SMPDL3B: variants seen among roughly 807,000 people sequenced by gnomAD.
SMPDL3B encodes sphingomyelin phosphodiesterase acid like 3B, also known as acid sphingomyelinase-like phosphodiesterase 3b.
In SMPDL3B, 31 loss-of-function variants were observed where a neutral mutation model predicts 37.9. That is an observed-to-expected ratio of 0.82 (90% confidence interval 0.61 to 1.10). The LOEUF (loss-of-function observed/expected upper bound fraction) is 1.10. Ranked by LOEUF, SMPDL3B falls within the 50% of genes least tolerant of loss-of-function variation. The pLI is 0.00. For synonymous variants in SMPDL3B, 235 were observed against 242.6 expected, an observed-to-expected ratio of 0.97 and a Z score of 0.29; for missense variants, 525 against 597.8, an observed-to-expected ratio of 0.88 and a Z score of 1.27.
rs12402686 is a variant in SMPDL3B, at chr1:27,959,121, A to C, written c.*283A>C. The C allele has an allele frequency of 2.5e-6, 1 of 393,680 alleles. No individual in the cohort carries two copies. The highest frequency in any genetic ancestry group is 4.7e-6 in the Non-Finnish European group (1 of 213,450). 24.4% of individuals were successfully genotyped at this position (393,680 alleles called of 1,614,324 possible). On this transcript the variant is annotated 3_prime_UTR_variant, in exon 8 of 8. Coordinates refer to ENST00000373894, the MANE Select transcript of SMPDL3B (RefSeq NM_014474.4). ...CATACTTCTTTTGCGTATTATGTTTAACTCACAAAACAAAGCTCATCATGC... is the reference window on the plus strand; with the variant it reads ...CATACTTCTTTTGCGTATTATGTTTCACTCACAAAACAAAGCTCATCATGC...
intron 5 of SMPDL3B, among the ~76,000 whole-genome samples, chr1:27,954,826 A>G (rs964355918): frequency 6.6e-6 from 1 of 152,160 alleles, no homozygotes; most frequent in Non-Finnish European, 1.5e-5. Context: ...TTCCACTCCC[A>G]CCACATGCAC....
At chr1:27,944,034 A>C (rs984465280) in intron 1 of SMPDL3B, among the ~76,000 whole-genome samples, 9 of 148,166 alleles carry the variant, frequency 6.1e-5, no homozygotes, top group African/African-American at 2.2e-4. Flanking sequence ...AAAAAAAAAG[A>C]AACTACTGTG....
In SMPDL3B at chr1:27,958,635, C is replaced by T. The variant is rs898074102; in HGVS notation, c.1165C>T (p.Leu389=). ...CCGCATCGCTGGCGACCAGAGCACA[C>T]TGCAGCGCTACTACGTCTATAACTC... The part of the protein sequence containing the change: ...LDRIAGDQST[L]QRYYVYNSVS... The change falls in exon 8 of 8, where the codon CTG becomes TTG. Residue 389 remains leucine (L), a synonymous_variant. Coordinates refer to ENST00000373894, the MANE Select transcript of SMPDL3B (RefSeq NM_014474.4). This position sits in a 1 kb window ranked among gnomAD's most constrained non-coding sequence, Gnocchi z 5.6. The T allele has an allele frequency of 6.2e-6, 10 of 1,613,876 alleles. No homozygotes were observed. The highest frequency in any genetic ancestry group is 7.6e-6 in the Non-Finnish European group (9 of 1,179,906).
rs566196440 is a variant in SMPDL3B at position 27,943,774 on chromosome 1, G to A, written c.62-1458G>A. ...AGCACTTTGGGAAGCTGAGGCGGGC[G>A]GATCACCTGAGGTCAAGGAGTTTGA... is the stretch of plus-strand genomic sequence containing the variant. On this transcript the variant is annotated intron_variant, in intron 1 of 7. Transcript: ENST00000373894. Among the ~76,000 whole-genome samples the A allele has an allele frequency of 2.2e-4, 34 of 151,990 alleles. No individual in the cohort carries two copies. The South Asian group carries it at 6.5e-3, about 29-fold the overall frequency.
intron 1 of SMPDL3B, among the ~76,000 whole-genome samples, chr1:27,944,012 CAAAAAA>C (rs5773206): frequency 1.1e-5 from 1 of 92,294 alleles, no homozygotes; most frequent in African/African-American, 4.2e-5. Context: ...AACTCTGTCT[CAAAAAA>C]AAAAAAAAAA....
At position 27,958,207 on chromosome 1, in the gene SMPDL3B, C is replaced by T. The variant is rs1490090066; in HGVS notation, c.1006-269C>T. Among the ~76,000 whole-genome samples the T allele has an allele frequency of 6.6e-6, 1 of 152,196 alleles. No individual in the cohort carries two copies. The highest frequency in any genetic ancestry group is 1.5e-5 in the Non-Finnish European group (1 of 68,036). ...GGTCCAATCCTGCTACCACTGAATA[C>T]CTGTATGAATACCTGTATGACCCTG... is the stretch of plus-strand genomic sequence containing the variant. On this transcript the variant is annotated intron_variant, in intron 7 of 7. Transcript: ENST00000373894. This position sits in a 1 kb window ranked among gnomAD's most constrained non-coding sequence, Gnocchi z 5.6.
Position 27,958,376 on chromosome 1 carries a change from G to A in SMPDL3B, c.1006-100G>A. The A allele has an allele frequency of 6.8e-7, 1 of 1,464,616 alleles. No homozygotes were observed. The highest frequency in any genetic ancestry group is 9.2e-7 in the Non-Finnish European group (1 of 1,090,184). 90.7% of individuals were successfully genotyped at this position (1,464,616 alleles called of 1,614,324 possible). A position where few individuals can be genotyped will look rare whatever the true frequency, so the allele number is the denominator to read the frequency against. On this transcript the variant is annotated intron_variant, in intron 7 of 7. Coordinates refer to ENST00000373894, the MANE Select transcript of SMPDL3B (RefSeq NM_014474.4). The surrounding 1 kb of genome is among the most constrained non-coding windows in gnomAD (Gnocchi z 5.6). ...GTGCTCAATAACTACTAGTGGTCAT[G>A]GTCACTGCTCTAAAGAACTTGGGGG...
At chr1:27,955,543 T>C (rs113202351) in intron 5 of SMPDL3B, 141 bp from the exon 6 acceptor site, 3 of 776,080 alleles carry the variant, frequency 3.9e-6, no homozygotes, top group Non-Finnish European at 6.5e-6. Flanking sequence ...AAGTGGGACA[T>C]GGAATCCGGG....
chr1:27,946,628 A>G (rs2090410232), intron 2 of SMPDL3B, among the ~76,000 whole-genome samples: 1 of 152,080 alleles, frequency 6.6e-6, no homozygotes, highest in Non-Finnish European at 1.5e-5. Context: ...GGATTAGGGG[A>G]AGGACATCCT....
intron 1 of SMPDL3B, among the ~76,000 whole-genome samples, chr1:27,941,278 G>A (rs56411450): frequency 0.17 from 26,271 of 152,160 alleles, 2,869 homozygotes; most frequent in East Asian, 0.25. Context: ...CTGGGTTTGA[G>A]CCTTAGTTTG....
intron 1 of SMPDL3B, among the ~76,000 whole-genome samples, chr1:27,936,934 T>A (rs527576803): frequency 1.3e-5 from 2 of 152,120 alleles, no homozygotes; most frequent in Non-Finnish European, 2.9e-5. Flanking sequence ...AGCAGGAGAA[T>A]GGGGTAAACC....
At position 27,954,352 on chromosome 1, in the gene SMPDL3B, AG is replaced by A; in HGVS notation, c.518del. 1 of 1,612,906 alleles carries A rather than the reference AG, an allele frequency of 6.2e-7. No individual in the cohort carries two copies. The highest frequency in any genetic ancestry group is 8.5e-7 in the Non-Finnish European group (1 of 1,179,168). Reference sequence around the variant, plus strand: ...CCTTCATATTGTCCCTGGCTGTGACAGGTGCCTTCTACTGTGAGAAGCTGCC... The same window carrying A: ...CCTTCATATTGTCCCTGGCTGTGACAGTGCCTTCTACTGTGAGAAGCTGCC... On this transcript the variant is annotated splice_acceptor_variant, in intron 4 of 7. Transcript: ENST00000373894. LOFTEE classifies it high-confidence loss of function.
chr1:27,935,094 C>T lies in SMPDL3B; in HGVS notation c.-90C>T, dbSNP rs963431761. 3 of 967,708 alleles carry T rather than the reference C, an allele frequency of 3.1e-6. No homozygotes were observed. The highest frequency in any genetic ancestry group is 1.9e-5 in the Admixed American group (1 of 51,728). The allele number at this position is 967,708 out of a possible 1,614,324, so 59.9% of individuals were successfully genotyped here. A position where few individuals can be genotyped will look rare whatever the true frequency, so the allele number is the denominator to read the frequency against. Reference sequence around the variant, plus strand: ...CAGGACAAGGAGTTCTGCTCAGGCACGTGGCCACAGAAAACTACTTAGGAA... The same window carrying T: ...CAGGACAAGGAGTTCTGCTCAGGCATGTGGCCACAGAAAACTACTTAGGAA... On this transcript the variant is annotated 5_prime_UTR_variant, in exon 1 of 8. It adds an upstream start codon to the 5' untranslated region. Transcript: ENST00000373894.
At position 27,958,869 on chromosome 1, in the gene SMPDL3B, G is replaced by A. The variant is rs1638388246; in HGVS notation, c.*31G>A. 3.3e-6 allele frequency: 5 copies of A among 1,528,216 alleles called. No homozygotes were observed. Among genetic ancestry groups the A allele is most frequent in the South Asian group, 2.4e-5 (2 of 82,584 alleles). The allele number at this position is 1,528,216 out of a possible 1,614,324, so 94.7% of individuals were successfully genotyped here. A position where few individuals can be genotyped will look rare whatever the true frequency, so the allele number is the denominator to read the frequency against. On this transcript the variant is annotated 3_prime_UTR_variant, in exon 8 of 8. Coordinates refer to ENST00000373894, the MANE Select transcript of SMPDL3B (RefSeq NM_014474.4). This position sits in a 1 kb window ranked among gnomAD's most constrained non-coding sequence, Gnocchi z 5.6. ...CAGGCTCACCTTCTTCCTGGTAACG[G>A]GTAACGGGGGCAGCGCCCAGGATCA...
chr1:27,935,287 T>C, intron 1 of SMPDL3B, 43 bp downstream of exon 1: 1 of 1,471,260 alleles, frequency 6.8e-7, no homozygotes, highest in Admixed American at 1.7e-5. Context: ...TTTTGTACTG[T>C]GAACTCTGGG....
rs774600975 is a variant in SMPDL3B at position 27,954,475 on chromosome 1, G to A, written c.639G>A (p.Gln213=). The A allele has an allele frequency of 3.7e-6, 6 of 1,613,968 alleles. No individual in the cohort carries two copies. Among genetic ancestry groups the A allele is most frequent in the Non-Finnish European group, 4.2e-6 (5 of 1,180,024 alleles). ...CAGACATGGCGGACCCTGGCCAGCA[G>A]TTCCAGTGGCTGGAAGATGTGCTGA... is the stretch of plus-strand genomic sequence containing the variant. ...LTADMADPGQ[Q]FQWLEDVLTD... is the part of the protein sequence containing the mutation. The change falls in exon 5 of 8, where the codon CAG becomes CAA. Residue 213 remains glutamine (Q), a synonymous_variant. Coordinates refer to ENST00000373894, the MANE Select transcript of SMPDL3B (RefSeq NM_014474.4).
intron 1 of SMPDL3B, among the ~76,000 whole-genome samples, chr1:27,937,609 G>A (rs2090320923): frequency 6.6e-6 from 1 of 152,156 alleles, no homozygotes; most frequent in South Asian, 2.1e-4. Context: ...ACAGACAAAA[G>A]CCACTGAATC....
At chr1:27,939,648 C>A (rs1332649673) in intron 1 of SMPDL3B, among the ~76,000 whole-genome samples, 1 of 152,124 alleles carries the variant, frequency 6.6e-6, no homozygotes, top group Non-Finnish European at 1.5e-5. Context: ...GCAAACCCCA[C>A]CTCTACAAAA....
intron 4 of SMPDL3B, 22 bp from the exon 5 acceptor site, chr1:27,954,332 A>T: frequency 1.2e-6 from 2 of 1,605,356 alleles, no homozygotes; most frequent in Non-Finnish European, 1.7e-6. Context: ...GGCCTCCTTC[A>T]TATTGTCCCT....
Sources: gnomAD v4.1 joint callset for allele counts (sites outside exome capture counted in the v4.1 genomes callset) on GRCh38, gnomAD v4.1.1 for gene constraint, Gnocchi (gnomAD v3.1) non-coding constraint, MANE v1.5 for transcripts, NCBI Gene and HGNC (gene_info 2026-07-23, HGNC 2026-07-21) for gene names.